Variants in PCDHGA3 observed in about 807,000 individuals in gnomAD.
PCDHGA3 encodes protocadherin gamma-A3.
PCDHGA3 carries 40 observed loss-of-function variants against 58.5 expected under a neutral mutation model. That is an observed-to-expected ratio of 0.68 (90% CI 0.53 to 0.89). PCDHGA3 has a LOEUF of 0.89. PCDHGA3 is among the 40% of genes least tolerant of loss of function. PCDHGA3 has a pLI of 0.00. For missense variants in PCDHGA3, 1,223 were observed against 1,195.9 expected, an observed-to-expected ratio of 1.02 and a Z score of -0.33; for synonymous variants, 530 against 525.7, an observed-to-expected ratio of 1.01 and a Z score of -0.11.
rs753472869 is a variant in PCDHGA3, at chr5:141,366,592, C to T, written c.2424+20135C>T. On this transcript the variant is annotated intron_variant, in intron 1 of 3. Coordinates refer to ENST00000253812, the MANE Select transcript of PCDHGA3 (RefSeq NM_018916.4). ...TTCGGGCTTTCCTGCAGACCTATTC[C>T]CACGAGGTCTCCCTCACCGCGGACT... The T allele has an allele frequency of 8.1e-6, 13 of 1,614,256 alleles. No individual in the cohort carries two copies. In the South Asian group the frequency reaches 1.4e-4, roughly 18 times the overall value.
Position 141,432,082 on chromosome 5 carries a change from C to G in PCDHGA3, c.2425-62725C>G. The G allele has an allele frequency of 1.2e-6, 2 of 1,614,184 alleles. No individual in the cohort carries two copies. The highest frequency in any genetic ancestry group is 1.7e-6 in the Non-Finnish European group (2 of 1,180,028). On this transcript the variant is annotated intron_variant, in intron 1 of 3. Coordinates refer to ENST00000253812, the MANE Select transcript of PCDHGA3 (RefSeq NM_018916.4). This position sits in a 1 kb window ranked among gnomAD's most constrained non-coding sequence, Gnocchi z 6.0. Reference sequence around the variant, plus strand: ...CCACGGAAACTCATATCTCGCTGAACGTGGCAGACACCAACGACAACCCGC... The same window carrying G: ...CCACGGAAACTCATATCTCGCTGAAGGTGGCAGACACCAACGACAACCCGC...
At chr5:141,374,953 A>G (rs748125378) in intron 1 of PCDHGA3, 1 of 1,614,024 alleles carries the variant, frequency 6.2e-7, no homozygotes, top group Non-Finnish European at 8.5e-7. Context: ...AGATCTCACA[A>G]ATTTTCTGTT....
intron 1 of PCDHGA3, chr5:141,361,234 G>A (rs575415323): frequency 1.2e-6 from 2 of 1,613,954 alleles, no homozygotes; most frequent in South Asian, 2.2e-5. Flanking sequence ...AACAGTGATC[G>A]CCTTGATAAA....
In PCDHGA3 at chr5:141,346,133, C is replaced by T. The variant is rs762993564; in HGVS notation, c.2100C>T (p.Val700=). 7 of 1,613,856 alleles carry T rather than the reference C, an allele frequency of 4.3e-6. No homozygotes were observed. The highest frequency in any genetic ancestry group is 2.7e-5 in the African/African-American group (2 of 74,936). ...TLYLVVAVAA[V]SCVFLAFVIV... ...ACCTGGTGGTGGCGGTGGCCGCGGTCTCCTGCGTCTTCCTGGCCTTCGTCA... is the reference window on the plus strand; with the variant it reads ...ACCTGGTGGTGGCGGTGGCCGCGGTTTCCTGCGTCTTCCTGGCCTTCGTCA... Residue 700 remains valine, a synonymous_variant, in exon 1 of 4, where the codon GTC becomes GTT. Transcript: ENST00000253812.
At chr5:141,423,463 G>T (rs772779471) in intron 1 of PCDHGA3, 22 of 1,613,992 alleles carry the variant, frequency 1.4e-5, no homozygotes, top group Non-Finnish European at 1.8e-5. Context: ...AGGCGTGGAC[G>T]GGGTACAGGC....
rs577323909 is a variant in PCDHGA3 at position 141,419,160 on chromosome 5, C to G, written c.2424+72703C>G. 13 of 1,613,956 alleles carry G rather than the reference C, an allele frequency of 8.1e-6. 1 individual carries two copies. In the South Asian group the frequency reaches 1.4e-4, roughly 18 times the overall value. On this transcript the variant is annotated intron_variant, in intron 1 of 3. Coordinates refer to ENST00000253812, the MANE Select transcript of PCDHGA3 (RefSeq NM_018916.4). ...GACAGGGGCAAGCCTCCGTTATCCT[C>G]CAGCAAAACCATAACCCTGCACATT...
At chr5:141,352,442 T>A in intron 1 of PCDHGA3, 2 of 1,614,058 alleles carry the variant, frequency 1.2e-6, no homozygotes, top group Non-Finnish European at 8.5e-7. Context: ...AACCGGTCTC[T>A]GCTCCAAGTC....
At chr5:141,361,031 G>A (rs756552774) in intron 1 of PCDHGA3, 27 of 1,613,172 alleles carry the variant, frequency 1.7e-5, no homozygotes, top group Non-Finnish European at 2.1e-5. Context: ...GAAAAAACAG[G>A]AGAAATCACG....
chr5:141,409,591 G>A (rs72790040), intron 1 of PCDHGA3: 42,493 of 1,613,766 alleles, frequency 0.026, 744 homozygotes, highest in East Asian at 0.041. Context: ...ACGTGGCCGA[G>A]AACAACCCGC....
Position 141,345,143 on chromosome 5 carries a change from C to G in PCDHGA3, c.1110C>G (p.Asp370Glu). 6.2e-7 allele frequency: 1 copy of G among 1,613,992 alleles called. No individual in the cohort carries two copies. The highest frequency in any genetic ancestry group is 1.3e-5 in the African/African-American group (1 of 75,038). The change falls in exon 1 of 4, where the codon GAC becomes GAG. Residue 370 changes from aspartate to glutamate, a missense_variant. Asp to Glu is a conservative substitution (Grantham distance 45). Coordinates refer to ENST00000253812, the MANE Select transcript of PCDHGA3 (RefSeq NM_018916.4). ...GTVGREIALI[D>E]VHDRDSGQNG... ...TTGGAAGAGAAATTGCTCTTATCGA[C>G]GTGCATGACCGAGATTCTGGGCAGA...
At position 141,486,882 on chromosome 5, in the gene PCDHGA3, C is replaced by T; in HGVS notation, c.2425-7925C>T. The T allele has an allele frequency of 6.2e-7, 1 of 1,614,244 alleles. No individual in the cohort carries two copies. The highest frequency in any genetic ancestry group is 1.1e-5 in the South Asian group (1 of 91,086). On this transcript the variant is annotated intron_variant, in intron 1 of 3. Transcript: ENST00000253812. This position sits in a 1 kb window ranked among gnomAD's most constrained non-coding sequence, Gnocchi z 5.0. ...GCTCCAGCTGTGCTCCGTCCTCGGG[C>T]CCGGCCTGGTTCCTTATGTCCCCAA...
At chr5:141,478,720 G>T (rs2154576937) in intron 1 of PCDHGA3, 1 of 1,543,694 alleles carries the variant, frequency 6.5e-7, no homozygotes, top group Admixed American at 2.0e-5. Context: ...ATGGTGGCCT[G>T]CCAGAGTGTG....
intron 1 of PCDHGA3, chr5:141,398,136 C>G: frequency 6.4e-7 from 1 of 1,556,004 alleles, no homozygotes; most frequent in Non-Finnish European, 8.6e-7. Flanking sequence ...GGATGGGGAG[C>G]GGCGCCGGGG....
intron 1 of PCDHGA3, chr5:141,427,265 C>A (rs767369457): frequency 6.6e-6 from 3 of 456,572 alleles, no homozygotes; most frequent in Non-Finnish European, 8.8e-6. Context: ...GCATGACCAG[C>A]GAATGTAAAA....
chr5:141,403,620 C>T (rs1561689160), intron 1 of PCDHGA3: 1 of 1,613,916 alleles, frequency 6.2e-7, no homozygotes, highest in Non-Finnish European at 8.5e-7. Context: ...CCGCGTCGCT[C>T]CAGCACAGTG....
At chr5:141,371,615 T>C (rs754452070) in intron 1 of PCDHGA3, 3 of 1,613,964 alleles carry the variant, frequency 1.9e-6, no homozygotes, top group Middle Eastern at 3.3e-4. Flanking sequence ...TGGTGACAGA[T>C]GGAGCCCTGG....
chr5:141,372,057 C>T (rs1228775419), intron 1 of PCDHGA3: 3 of 1,613,552 alleles, frequency 1.9e-6, no homozygotes, highest in African/African-American at 2.7e-5. Context: ...GGTGGACGAC[C>T]GCAACGACAA....
intron 1 of PCDHGA3, chr5:141,350,480 G>C (rs371176166): frequency 5.0e-6 from 8 of 1,614,016 alleles, no homozygotes; most frequent in Non-Finnish European, 5.9e-6. Context: ...TTATTTCAAC[G>C]TTAGTTTGGA....
rs555568322 is a variant in PCDHGA3, at chr5:141,366,458, G to T, written c.2424+20001G>T. On this transcript the variant is annotated intron_variant, in intron 1 of 3. Transcript: ENST00000253812. ...CTGCGTCTTCCTGGCCTTCGTCATC[G>T]TGCTGCTGGTGCTCAGACTGAGGCG... 12 of 1,614,210 alleles carry T rather than the reference G, an allele frequency of 7.4e-6. No individual in the cohort carries two copies. Among genetic ancestry groups the T allele is most frequent in the African/African-American group, 1.3e-5 (1 of 75,068 alleles).
Sources: gnomAD v4.1 joint callset for allele counts on GRCh38, gnomAD v4.1.1 for gene constraint, Gnocchi (gnomAD v3.1) non-coding constraint, MANE v1.5 for transcripts, NCBI Gene and HGNC (gene_info 2026-07-23, HGNC 2026-07-21) for gene names.